The following DSC2 variants were observed in gnomAD, a reference collection of about 807,000 sequenced individuals.
DSC2 encodes desmocollin-2.
DSC2 carries 51 observed loss-of-function variants against 87.6 expected under a neutral mutation model. That is an observed-to-expected ratio of 0.58 (90% CI 0.46 to 0.74). The LOEUF (loss-of-function observed/expected upper bound fraction) is 0.74. DSC2 is among the 30% of genes least tolerant of loss of function. The probability of loss-of-function intolerance (pLI) is 0.00; values close to 1 mark genes in which losing one functional copy is unlikely to be tolerated. For missense variants in DSC2, 1,066 were observed against 1,089.5 expected, an observed-to-expected ratio of 0.98 and a Z score of 0.30; for synonymous variants, 383 against 393.2, an observed-to-expected ratio of 0.97 and a Z score of 0.31.
At chr18:31,096,011 G>A (rs577977232) in intron 1 of DSC2, among the ~76,000 whole-genome samples, 93 of 152,256 alleles carry the variant, frequency 6.1e-4, no homozygotes, top group African/African-American at 2.2e-3. Flanking sequence ...TGGGCTCAAA[G>A]AAGTGGGTGT....
At position 31,074,735 on chromosome 18, in the gene DSC2, C is replaced by T; in HGVS notation, c.1836G>A (p.Leu612=). Residue 612 remains leucine (L), a synonymous_variant, in exon 12 of 16, where the codon CTG becomes CTA. Coordinates refer to ENST00000280904, the MANE Select transcript of DSC2 (RefSeq NM_024422.6). ...TCTGTACTTCTGAAGTAGAACTCTCCAGACTAAAGTCAAAGGGTGGGCCAT... is the reference window on the plus strand; with the variant it reads ...TCTGTACTTCTGAAGTAGAACTCTCTAGACTAAAGTCAAAGGGTGGGCCAT... ...PIHGPPFDFS[L]ESSTSEVQRM... 1 of 1,613,900 alleles carries T rather than the reference C, an allele frequency of 6.2e-7. No individual in the cohort carries two copies. Among genetic ancestry groups the T allele is most frequent in the Non-Finnish European group, 8.5e-7 (1 of 1,179,940 alleles).
chr18:31,093,177 T>A (rs1486277031), intron 2 of DSC2, among the ~76,000 whole-genome samples: 1 of 152,204 alleles, frequency 6.6e-6, no homozygotes, highest in Admixed American at 6.5e-5. Flanking sequence ...ATGTGCAGGA[T>A]GTGCAGGTTT....
intron 12 of DSC2, 55 bp downstream of exon 12, chr18:31,074,627 AG>A: frequency 2.0e-6 from 3 of 1,465,618 alleles, no homozygotes; most frequent in Admixed American, 1.9e-5. Context: ...AAAAAAAAAA[AG>A]TATCGCAGAC....
At chr18:31,071,526 C>G (rs963515749) in intron 13 of DSC2, 79 bp downstream of exon 13, 2 of 1,330,270 alleles carry the variant, frequency 1.5e-6, no homozygotes, top group Admixed American at 3.4e-5. Flanking sequence ...AGCCTGGGCT[C>G]TGTCTCAAAA....
chr18:31,060,256 C>T lies in DSC2; in HGVS notation c.*7759G>A, dbSNP rs1986475567. 6.7e-6 allele frequency: 1 copy of T among 150,030 alleles called. No individual in the cohort carries two copies. Among genetic ancestry groups the T allele is most frequent in the African/African-American group, 2.5e-5 (1 of 40,600 alleles). 9.3% of individuals were successfully genotyped at this position (150,030 alleles called of 1,614,324 possible). On this transcript the variant is annotated 3_prime_UTR_variant, in exon 16 of 16. Transcript: ENST00000280904. ...TTCTCTTACTTCTTTTGGATAAATC[C>T]CTTTTACTTGATTTCATTGGTAATT...
intron 4 of DSC2, 122 bp downstream of exon 4, chr18:31,090,906 A>T (rs1987571600): frequency 2.9e-6 from 4 of 1,376,880 alleles, no homozygotes; most frequent in Non-Finnish European, 4.1e-6. Context: ...GAAACATATT[A>T]TACACATACT....
At chr18:31,071,560 C>T in intron 13 of DSC2, 45 bp downstream of exon 13, 1 of 1,570,856 alleles carries the variant, frequency 6.4e-7, no homozygotes, top group Non-Finnish European at 8.8e-7. Flanking sequence ...TTGAAAGTTA[C>T]TTTAAAGGGT....
chr18:31,101,091 G>A (rs539844995), intron 1 of DSC2: 1 of 661,324 alleles, frequency 1.5e-6, no homozygotes, highest in Non-Finnish European at 1.9e-6. Flanking sequence ...GGCGCGGGGG[G>A]CGGGTGGTGA....
At chr18:31,075,781 C>T (rs540397448) in intron 11 of DSC2, among the ~76,000 whole-genome samples, 7 of 151,834 alleles carry the variant, frequency 4.6e-5, no homozygotes, top group African/African-American at 7.3e-5. Context: ...ACCCGGGAGG[C>T]GGAGGTTGCA....
In DSC2 at chr18:31,102,010, C is replaced by T; in HGVS notation, c.-39G>A. Reference sequence around the variant, plus strand: ...GGCAGGTCGCGGGCCGAGCGTCGGGCCGGGGTAGGAGGGCTCCGCGGGGCG... The same window carrying T: ...GGCAGGTCGCGGGCCGAGCGTCGGGTCGGGGTAGGAGGGCTCCGCGGGGCG... On this transcript the variant is annotated 5_prime_UTR_variant, in exon 1 of 16. Coordinates refer to ENST00000280904, the MANE Select transcript of DSC2 (RefSeq NM_024422.6). 6.8e-7 allele frequency: 1 copy of T among 1,467,974 alleles called. No individual in the cohort carries two copies. The highest frequency in any genetic ancestry group is 9.0e-7 in the Non-Finnish European group (1 of 1,112,412). The allele number at this position is 1,467,974 out of a possible 1,614,324, so 90.9% of individuals were successfully genotyped here.
Position 31,061,278 on chromosome 18 carries a change from A to G in DSC2, c.*6737T>C, listed in dbSNP as rs923028301. ...GTCCTCTCCCTTGAATCCTAACAAA[A>G]TAAGTAAACAGAAAAGATGTGGCTA... On this transcript the variant is annotated 3_prime_UTR_variant, in exon 16 of 16. Coordinates refer to ENST00000280904, the MANE Select transcript of DSC2 (RefSeq NM_024422.6). 3 of 152,210 alleles carry G rather than the reference A, an allele frequency of 2.0e-5. No homozygotes were observed. Among genetic ancestry groups the G allele is most frequent in the African/African-American group, 7.2e-5 (3 of 41,456 alleles). The allele number at this position is 152,210 out of a possible 1,614,324, so 9.4% of individuals were successfully genotyped here. A position where few individuals can be genotyped will look rare whatever the true frequency, so the allele number is the denominator to read the frequency against.
At chr18:31,100,577 G>A (rs1987907485) in intron 1 of DSC2, among the ~76,000 whole-genome samples, 2 of 152,172 alleles carry the variant, frequency 1.3e-5, no homozygotes, top group African/African-American at 2.4e-5. Flanking sequence ...TCAGTTAAGG[G>A]TTTGAAGTCC....
Position 31,082,856 on chromosome 18 carries a change from C to T in DSC2, c.1077+70G>A, listed in dbSNP as rs897118886. Reference sequence around the variant, plus strand: ...TACAGGCGTGAGCCACTGCGCCAGGCCAGAGATGTGCATATTAAACAATTA... The same window carrying T: ...TACAGGCGTGAGCCACTGCGCCAGGTCAGAGATGTGCATATTAAACAATTA... On this transcript the variant is annotated intron_variant, in intron 8 of 15. Coordinates refer to ENST00000280904, the MANE Select transcript of DSC2 (RefSeq NM_024422.6). 2.6e-5 allele frequency: 41 copies of T among 1,561,928 alleles called. No individual in the cohort carries two copies. The African/African-American group carries it at 4.6e-4, about 18-fold the overall frequency.
rs1242591700 is a variant in DSC2, at chr18:31,060,873, A to G, written c.*7142T>C. 2 of 152,204 alleles carry G rather than the reference A, an allele frequency of 1.3e-5. No individual in the cohort carries two copies. Among genetic ancestry groups the G allele is most frequent in the African/African-American group, 2.4e-5 (1 of 41,456 alleles). 9.4% of individuals were successfully genotyped at this position (152,204 alleles called of 1,614,324 possible). On this transcript the variant is annotated 3_prime_UTR_variant, in exon 16 of 16. Transcript: ENST00000280904. The stretch of plus-strand genomic sequence containing the variant: ...TTGCAGACATTGTGAAATTTTACTC[A>G]TCAATGTGTTTCAACTCTTTGGTAC...
chr18:31,087,537 C>T, intron 6 of DSC2, 132 bp downstream of exon 6: 3 of 1,082,236 alleles, frequency 2.8e-6, no homozygotes, highest in Non-Finnish European at 4.1e-6. Flanking sequence ...TAGTGAAACA[C>T]AGAGTAAAAT....
Position 31,071,574 on chromosome 18 carries a change from A to G in DSC2, c.2125+31T>C. The stretch of plus-strand genomic sequence containing the variant: ...CTTGAAAGTTACTTTAAAGGGTATT[A>G]TTTGAATTCAAGAAAGGACTTAAGA... On this transcript the variant is annotated intron_variant, in intron 13 of 15. Transcript: ENST00000280904. 1.9e-6 allele frequency: 3 copies of G among 1,591,718 alleles called. No individual in the cohort carries two copies. The African/African-American group carries it at 4.0e-5, about 21-fold the overall frequency.
rs1027386854 is a variant in DSC2, at chr18:31,059,934, A to G, written c.*8081T>C. 1.3e-5 allele frequency: 2 copies of G among 152,180 alleles called. No homozygotes were observed. The highest frequency in any genetic ancestry group is 2.1e-4 in the South Asian group (1 of 4,828). 9.4% of individuals were successfully genotyped at this position (152,180 alleles called of 1,614,324 possible). ...AAGCTAGGATCTTTATGTGAATTAT[A>G]TAATTTATTCCTAATTTGTCCTTAT... On this transcript the variant is annotated 3_prime_UTR_variant, in exon 16 of 16. Coordinates refer to ENST00000280904, the MANE Select transcript of DSC2 (RefSeq NM_024422.6).
At chr18:31,075,130 G>A (rs1442574799) in intron 11 of DSC2, among the ~76,000 whole-genome samples, 2 of 152,074 alleles carry the variant, frequency 1.3e-5, no homozygotes, top group East Asian at 1.9e-4. Flanking sequence ...TTATTCATTC[G>A]CTAAATTATT....
Position 31,083,068 on chromosome 18 carries a change from C to CA in DSC2, c.943-9dup, listed in dbSNP as rs1987283946. The CA allele has an allele frequency of 6.8e-6, 11 of 1,607,978 alleles. No homozygotes were observed. In the East Asian group the frequency reaches 1.6e-4, roughly 23 times the overall value. ...CTGGTACTTGTCAATTAACTGAAAA[C>CA]AAAAAAAGAATTTAATTATTGGGGG... On this transcript the variant is annotated splice_polypyrimidine_tract_variant and intron_variant, in intron 7 of 15. Coordinates refer to ENST00000280904, the MANE Select transcript of DSC2 (RefSeq NM_024422.6).
Sources: gnomAD v4.1 joint callset for allele counts (sites outside exome capture counted in the v4.1 genomes callset) on GRCh38, gnomAD v4.1.1 for gene constraint, MANE v1.5 for transcripts, NCBI Gene and HGNC (gene_info 2026-07-23, HGNC 2026-07-21) for gene names.